IL1RAPL1: variants seen among roughly 807,000 people sequenced by gnomAD.
IL1RAPL1 encodes interleukin-1 receptor accessory protein-like 1.
In IL1RAPL1, 3 loss-of-function variants were observed where a neutral mutation model predicts 48.4. The observed-to-expected ratio is 0.06, with a 90% CI of 0.03 to 0.16. IL1RAPL1 has a LOEUF of 0.16. Ranked by LOEUF, IL1RAPL1 falls within the 10% of genes least tolerant of loss-of-function variation. The pLI is 1.00. For missense variants in IL1RAPL1, 349 were observed against 530.6 expected (o/e 0.66, Z 3.36); for synonymous variants, 185 against 187.7 (o/e 0.99, Z 0.12).
At chrX:29,413,292 C>T (rs961713032) in intron 5 of IL1RAPL1, among the ~76,000 whole-genome samples, 2 of 112,035 alleles carry the variant, frequency 1.8e-5, no homozygotes, top group African/African-American at 3.2e-5. Flanking sequence ...TATTTATTAG[C>T]AGCGTGAGAA....
intron 1 of IL1RAPL1, among the ~76,000 whole-genome samples, chrX:28,625,862 G>C (rs984043936): frequency 4.5e-5 from 5 of 110,662 alleles, no homozygotes; most frequent in Non-Finnish European, 9.5e-5. Context: ...TTTTGATAAG[G>C]GAATCAGTTT....
At chrX:29,197,619 A>G (rs1052650921) in intron 2 of IL1RAPL1, among the ~76,000 whole-genome samples, 6 of 111,818 alleles carry the variant, frequency 5.4e-5, no homozygotes, top group African/African-American at 2.0e-4. Flanking sequence ...TTTTTAAAGT[A>G]GGCAATTTAG....
chrX:29,081,157 G>T lies in IL1RAPL1; in HGVS notation c.83-201781G>T, dbSNP rs147153710. 1.2e-3 allele frequency among the ~76,000 whole-genome samples: 129 copies of T among 104,558 alleles called. 1 individual carries two copies. The highest frequency in any genetic ancestry group is 4.3e-3 in the Admixed American group (40 of 9,244). 90.8% of individuals were successfully genotyped at this position (104,558 alleles called of 115,157 possible). On this transcript the variant is annotated intron_variant, in intron 2 of 10. Transcript: ENST00000378993. ...CAACCTCTGCTTCCCGGGTTCAAGCGATTCTCCTGCCTCGGCCTCCTGAGT... is the reference window on the plus strand; with the variant it reads ...CAACCTCTGCTTCCCGGGTTCAAGCTATTCTCCTGCCTCGGCCTCCTGAGT...
chrX:28,745,382 GA>G (rs1454957788), intron 1 of IL1RAPL1, among the ~76,000 whole-genome samples: 2 of 111,696 alleles, frequency 1.8e-5, no homozygotes, highest in East Asian at 5.6e-4. Context: ...AATCAAAGAT[GA>G]ATTATGGGTT....
At chrX:29,856,939 C>T (rs1931488884) in intron 6 of IL1RAPL1, among the ~76,000 whole-genome samples, 1 of 111,276 alleles carries the variant, frequency 9.0e-6, no homozygotes, top group Non-Finnish European at 1.9e-5. Flanking sequence ...TATTGCTTGC[C>T]TAGCCCAATA....
At chrX:28,937,062 C>T (rs972330069) in intron 2 of IL1RAPL1, among the ~76,000 whole-genome samples, 1 of 111,052 alleles carries the variant, frequency 9.0e-6, no homozygotes, top group Non-Finnish European at 1.9e-5. Context: ...AAAATTCTGT[C>T]AATATGAAAT....
chrX:28,757,885 C>T lies in IL1RAPL1; in HGVS notation c.-24-31435C>T, dbSNP rs148665421. Among the ~76,000 whole-genome samples the T allele has an allele frequency of 7.8e-3, 871 of 111,426 alleles. 14 individuals carry two copies. The highest frequency in any genetic ancestry group is 0.027 in the African/African-American group (812 of 30,598). Reference sequence around the variant, plus strand: ...TTTCTTTATCACTCTCCCCCTCTACCCTGCAACAACCCATTTACTTTTCAC... The same window carrying T: ...TTTCTTTATCACTCTCCCCCTCTACTCTGCAACAACCCATTTACTTTTCAC... On this transcript the variant is annotated intron_variant, in intron 1 of 10. Coordinates refer to ENST00000378993, the MANE Select transcript of IL1RAPL1 (RefSeq NM_014271.4).
chrX:28,671,844 C>T (rs779297869), intron 1 of IL1RAPL1, among the ~76,000 whole-genome samples: 16 of 112,255 alleles, frequency 1.4e-4, no homozygotes, highest in Non-Finnish European at 2.6e-4. Context: ...CTTTCCTAAA[C>T]GAGTTTTATA....
chrX:29,846,776 ATG>A (rs1411821900), intron 6 of IL1RAPL1, among the ~76,000 whole-genome samples: 1 of 73,828 alleles, frequency 1.4e-5, no homozygotes, highest in African/African-American at 6.0e-5. Context: ...ATACATATAT[ATG>A]TATATATGTA....
In IL1RAPL1 at chrX:29,836,539, T is replaced by C. The variant is rs762064350; in HGVS notation, c.779-80925T>C. Among the ~76,000 whole-genome samples the C allele has an allele frequency of 2.7e-5, 3 of 112,291 alleles. No individual in the cohort carries two copies. The South Asian group carries it at 1.1e-3, about 41-fold the overall frequency. ...AGACATTTTTAAATTTTTCTTTTAA[T>C]GTCTTCATTGATCCATTTGTTATTT... On this transcript the variant is annotated intron_variant, in intron 6 of 10. Coordinates refer to ENST00000378993, the MANE Select transcript of IL1RAPL1 (RefSeq NM_014271.4).
intron 6 of IL1RAPL1, among the ~76,000 whole-genome samples, chrX:29,861,297 A>G (rs1015096242): frequency 9.0e-6 from 1 of 111,557 alleles, no homozygotes; most frequent in Admixed American, 9.5e-5. Context: ...GAGCTTTTCA[A>G]AACCCCTATT....
intron 1 of IL1RAPL1, among the ~76,000 whole-genome samples, chrX:28,768,755 C>CTCTCTCTCTCTATA (rs1364972830): frequency 2.9e-5 from 1 of 34,890 alleles, no homozygotes; most frequent in African/African-American, 1.2e-4. Flanking sequence ...CTCTCTCTCT[C>CTCTCTCTCTCTATA]TATATATATA....
chrX:29,779,614 A>C (rs1158543514), intron 6 of IL1RAPL1, among the ~76,000 whole-genome samples: 1 of 110,961 alleles, frequency 9.0e-6, no homozygotes, highest in South Asian at 3.7e-4. Flanking sequence ...GTTGGAGTGA[A>C]AAAATAATAA....
chrX:29,005,920 A>G (rs971532514), intron 2 of IL1RAPL1, among the ~76,000 whole-genome samples: 41 of 112,329 alleles, frequency 3.6e-4, no homozygotes, highest in African/African-American at 1.3e-3. Flanking sequence ...TGAATTTACT[A>G]CAATATACTC....
chrX:28,890,252 T>G (rs2147319232), intron 2 of IL1RAPL1, among the ~76,000 whole-genome samples: 1 of 111,727 alleles, frequency 9.0e-6, no homozygotes, highest in Non-Finnish European at 1.9e-5. Context: ...TTTTAGGATA[T>G]ATATTGGCAT....
chrX:28,896,736 C>T (rs933807646), intron 2 of IL1RAPL1, among the ~76,000 whole-genome samples: 23 of 109,966 alleles, frequency 2.1e-4, no homozygotes, highest in African/African-American at 7.6e-4. Flanking sequence ...ATTAGAAAGA[C>T]TCAGCAATGC....
At chrX:28,775,798 T>A (rs1025221587) in intron 1 of IL1RAPL1, among the ~76,000 whole-genome samples, 3 of 112,291 alleles carry the variant, frequency 2.7e-5, no homozygotes, top group African/African-American at 9.7e-5. Context: ...GCCAAGCTTG[T>A]CCTGTTCTTA....
chrX:28,847,923 A>G (rs1324317326), intron 2 of IL1RAPL1, among the ~76,000 whole-genome samples: 1 of 112,018 alleles, frequency 8.9e-6, no homozygotes, highest in Non-Finnish European at 1.9e-5. Context: ...TTTGTTCACT[A>G]TTATATCCTG....
intron 2 of IL1RAPL1, among the ~76,000 whole-genome samples, chrX:28,837,682 CTTTTTTTTTTTTTTT>C (rs58666924): frequency 5.4e-5 from 2 of 37,247 alleles, no homozygotes; most frequent in Admixed American, 3.6e-4. Flanking sequence ...CATTCCACTT[CTTTTTTTTTTTTTTT>C]TTTTTTTTTT....
Sources: gnomAD v4.1 joint callset for allele counts (sites outside exome capture counted in the v4.1 genomes callset) on GRCh38, gnomAD v4.1.1 for gene constraint, MANE v1.5 for transcripts, NCBI Gene and HGNC (gene_info 2026-07-23, HGNC 2026-07-21) for gene names.